Variants in PPP1R21 observed in about 807,000 individuals in gnomAD.
PPP1R21 encodes the protein KLRAQ motif containing 1.
PPP1R21 carries 85 observed loss-of-function variants against 112.8 expected under a neutral mutation model. That is an observed-to-expected ratio of 0.75 (90% CI 0.63 to 0.90). The LOEUF is 0.90. Among genes scored for constraint, PPP1R21 ranks in the 40% least tolerant of loss-of-function variants. PPP1R21 has a pLI of 0.00. For synonymous variants in PPP1R21, 381 were observed against 322.3 expected (o/e 1.18, Z -1.95); for missense variants, 1,199 against 901.5 (o/e 1.33, Z -4.23).
chr2:48,507,422 C>G lies in PPP1R21; in HGVS notation c.2085+37C>G, dbSNP rs769557039. 4 of 1,585,166 alleles carry G rather than the reference C, an allele frequency of 2.5e-6. 1 individual carries two copies. Among genetic ancestry groups the G allele is most frequent in the Middle Eastern group, 1.7e-4 (1 of 5,996 alleles). On this transcript the variant is annotated intron_variant, in intron 19 of 21. Transcript: ENST00000294952. ...TTTAATTAGATTGGTGGTTTTTTTCCTAACCCCTGCAGGAGTTAGGACACT... is the reference window on the plus strand; with the variant it reads ...TTTAATTAGATTGGTGGTTTTTTTCGTAACCCCTGCAGGAGTTAGGACACT...
intron 2 of PPP1R21, among the ~76,000 whole-genome samples, chr2:48,453,623 C>T (rs895452814): frequency 2.0e-5 from 3 of 152,152 alleles, no homozygotes; most frequent in South Asian, 2.1e-4. Context: ...AAATATTTCT[C>T]TTTAGTTTTC....
In PPP1R21 at chr2:48,479,879, C is replaced by A. The variant is rs759004540; in HGVS notation, c.1226-45C>A. ...AAAGTAGAGGGATACAATGGGCAGT[C>A]CATTTTTCAGGAAAATGCTTAGATT... On this transcript the variant is annotated intron_variant, in intron 12 of 21. Coordinates refer to ENST00000294952, the MANE Select transcript of PPP1R21 (RefSeq NM_001135629.3). The A allele has an allele frequency of 3.4e-6, 4 of 1,163,432 alleles. No individual in the cohort carries two copies. In the Admixed American group the frequency reaches 6.7e-5, roughly 20 times the overall value. 72.1% of individuals were successfully genotyped at this position (1,163,432 alleles called of 1,614,324 possible). A position where few individuals can be genotyped will look rare whatever the true frequency, so the allele number is the denominator to read the frequency against.
At chr2:48,460,043 C>T (rs1227148886) in intron 5 of PPP1R21, 52 bp from the exon 6 acceptor site, 2 of 1,607,666 alleles carry the variant, frequency 1.2e-6, no homozygotes, top group East Asian at 4.5e-5. Flanking sequence ...TAAGTGTGCT[C>T]CTATCTGTCG....
Position 48,440,862 on chromosome 2 carries a change from C to T in PPP1R21, c.-92C>T. On this transcript the variant is annotated 5_prime_UTR_variant, in exon 1 of 22. Transcript: ENST00000294952. ...GCGGTGGCCAAGCAGGCAGATACTGCCTGACCCGTTCCCGGGAGCGTGTCT... is the reference window on the plus strand; with the variant it reads ...GCGGTGGCCAAGCAGGCAGATACTGTCTGACCCGTTCCCGGGAGCGTGTCT... 1 of 931,718 alleles carries T rather than the reference C, an allele frequency of 1.1e-6. No homozygotes were observed. Among genetic ancestry groups the T allele is most frequent in the African/African-American group, 1.7e-5 (1 of 59,586 alleles). 57.7% of individuals were successfully genotyped at this position (931,718 alleles called of 1,614,324 possible).
chr2:48,510,685 A>G (rs992496502), intron 20 of PPP1R21, among the ~76,000 whole-genome samples: 1 of 152,226 alleles, frequency 6.6e-6, no homozygotes, highest in Non-Finnish European at 1.5e-5. Context: ...AGCATGAGAA[A>G]TGGGAAGAGA....
Position 48,474,704 on chromosome 2 carries a change from C to T in PPP1R21, c.1110C>T (p.Ser370=), listed in dbSNP as rs751403873. The change falls in exon 12 of 22, where the codon TCC becomes TCT. Residue 370 remains serine, a synonymous_variant. Transcript: ENST00000294952. The part of the protein sequence containing the change: ...QLKSLEEECE[S]SLCTSALRAR... ...CTAGTTTAGAAGAAGAATGTGAATCCTCTCTTTGCACATCTGCGTTAAGAG... is the reference window on the plus strand; with the variant it reads ...CTAGTTTAGAAGAAGAATGTGAATCTTCTCTTTGCACATCTGCGTTAAGAG... 1.9e-6 allele frequency: 3 copies of T among 1,607,128 alleles called. No homozygotes were observed. The highest frequency in any genetic ancestry group is 4.5e-5 in the East Asian group (2 of 44,462).
intron 11 of PPP1R21, 109 bp downstream of exon 11, chr2:48,471,476 T>C (rs774593554): frequency 1.3e-5 from 14 of 1,079,846 alleles, no homozygotes; most frequent in Middle Eastern, 2.7e-4. Flanking sequence ...CTGACTTTTC[T>C]GCTTCACAGT....
chr2:48,511,238 C>A, intron 20 of PPP1R21, 102 bp from the exon 21 acceptor site: 1 of 1,138,848 alleles, frequency 8.8e-7, no homozygotes, highest in Non-Finnish European at 1.3e-6. Context: ...TATTGGGAAA[C>A]TATAATTTCC....
intron 1 of PPP1R21, among the ~76,000 whole-genome samples, chr2:48,445,833 T>C (rs923911857): frequency 6.6e-6 from 1 of 152,196 alleles, no homozygotes; most frequent in Non-Finnish European, 1.5e-5. Context: ...ATCCCTGTCC[T>C]GGGATAGCAA....
intron 15 of PPP1R21, among the ~76,000 whole-genome samples, chr2:48,491,711 A>G (rs1025694138): frequency 2.0e-5 from 3 of 152,190 alleles, no homozygotes; most frequent in African/African-American, 4.8e-5. Context: ...CACACATACT[A>G]TAAAAAGCAG....
chr2:48,498,702 G>A lies in PPP1R21; in HGVS notation c.1902G>A (p.Lys634=). The change falls in exon 17 of 22, where the codon AAG becomes AAA. Residue 634 remains lysine (K), a synonymous_variant. Coordinates refer to ENST00000294952, the MANE Select transcript of PPP1R21 (RefSeq NM_001135629.3). ...CTGGCCAGGATGAAGCCACAGCTAAGGCTGTGTTGGAGCCCATTCAGAGCA... is the reference window on the plus strand; with the variant it reads ...CTGGCCAGGATGAAGCCACAGCTAAAGCTGTGTTGGAGCCCATTCAGAGCA... The part of the protein sequence containing the change: ...NTAGQDEATA[K]AVLEPIQSTS... 1 of 1,614,148 alleles carries A rather than the reference G, an allele frequency of 6.2e-7. No individual in the cohort carries two copies. The highest frequency in any genetic ancestry group is 8.5e-7 in the Non-Finnish European group (1 of 1,179,986).
chr2:48,446,701 A>G (rs975334814), intron 1 of PPP1R21, among the ~76,000 whole-genome samples: 1 of 152,182 alleles, frequency 6.6e-6, no homozygotes, highest in Non-Finnish European at 1.5e-5. Context: ...AGTATACTGT[A>G]GTCTTTACCA....
intron 17 of PPP1R21, among the ~76,000 whole-genome samples, chr2:48,502,923 G>A (rs954624895): frequency 5.3e-5 from 8 of 151,802 alleles, no homozygotes; most frequent in African/African-American, 1.9e-4. Context: ...CTTGTGATCC[G>A]CCCACCTCGG....
chr2:48,461,254 C>T, intron 7 of PPP1R21, 22 bp downstream of exon 7: 1 of 1,500,066 alleles, frequency 6.7e-7, no homozygotes. Context: ...GTACAGTTTT[C>T]CATTATTTGT....
chr2:48,503,067 C>G (rs1226114726), intron 17 of PPP1R21, among the ~76,000 whole-genome samples: 1 of 152,074 alleles, frequency 6.6e-6, no homozygotes, highest in Non-Finnish European at 1.5e-5. Flanking sequence ...TTTGAATATT[C>G]AGCCACCTAT....
chr2:48,514,691 T>C (rs373040213), intron 21 of PPP1R21, 24 bp from the exon 22 acceptor site: 24 of 1,501,840 alleles, frequency 1.6e-5, no homozygotes, highest in Non-Finnish European at 2.1e-5. Context: ...TATGTTCTTA[T>C]TGTTGATATT....
At chr2:48,441,274 G>C in intron 1 of PPP1R21, 1 of 536,906 alleles carries the variant, frequency 1.9e-6, no homozygotes, top group Non-Finnish European at 3.4e-6. Context: ...AGCGGGCTTG[G>C]GACTGGGATG....
intron 1 of PPP1R21, chr2:48,441,486 C>T (rs78163845): frequency 0.016 from 3,252 of 197,794 alleles, 58 homozygotes; most frequent in African/African-American, 0.046. Flanking sequence ...TAGAGACATT[C>T]GGGTAAACTG....
At chr2:48,502,210 T>A (rs983009414) in intron 17 of PPP1R21, among the ~76,000 whole-genome samples, 2 of 152,120 alleles carry the variant, frequency 1.3e-5, no homozygotes, top group Non-Finnish European at 2.9e-5. Context: ...CTTAGTTGGG[T>A]TTGGTGACTT....
Sources: gnomAD v4.1 joint callset for allele counts (sites outside exome capture counted in the v4.1 genomes callset) on GRCh38, gnomAD v4.1.1 for gene constraint, MANE v1.5 for transcripts, NCBI Gene and HGNC (gene_info 2026-07-23, HGNC 2026-07-21) for gene names.